Variants in DLEU7 observed in about 807,000 individuals in gnomAD.
DLEU7 encodes deleted in lymphocytic leukemia 7.
DLEU7 carries 17 observed loss-of-function variants against 16.0 expected under a neutral mutation model. The ratio of observed to expected loss-of-function variants is 1.06; its 90% CI spans 0.73 to 1.59. The LOEUF is 1.59. DLEU7 is among the 40% of genes most tolerant of loss of function. The pLI is 0.00. For missense variants in DLEU7, 308 were observed against 314.9 expected, an observed-to-expected ratio of 0.98 and a Z score of 0.17; for synonymous variants, 113 against 139.8, an observed-to-expected ratio of 0.81 and a Z score of 1.35.
In DLEU7 at chr13:50,792,136, C is replaced by T. The variant is rs186956705; in HGVS notation, c.459+51052G>A. Among the ~76,000 whole-genome samples, 974 of 152,244 alleles carry T rather than the reference C, an allele frequency of 6.4e-3. 9 individuals are homozygous for T. Among genetic ancestry groups the T allele is most frequent in the African/African-American group, 0.022 (895 of 41,534 alleles). ...TTCTTTAAATTGATAACACTCAGAA[C>T]CAGTGTATTATATATCCTATTGTAA... On this transcript the variant is annotated intron_variant, in intron 1 of 1. Transcript: ENST00000400393.
intron 1 of DLEU7, among the ~76,000 whole-genome samples, chr13:50,757,533 C>T (rs1874797589): frequency 6.6e-6 from 1 of 152,188 alleles, no homozygotes; most frequent in African/African-American, 2.4e-5. Flanking sequence ...CAAACCAATG[C>T]AAAACTTGAC....
intron 1 of DLEU7, among the ~76,000 whole-genome samples, chr13:50,747,875 G>T (rs935112472): frequency 1.2e-4 from 19 of 152,200 alleles, no homozygotes; most frequent in Admixed American, 9.8e-4. Flanking sequence ...GACACAATGA[G>T]CATGGCTTCC....
chr13:50,793,830 T>C (rs183157088), intron 1 of DLEU7, among the ~76,000 whole-genome samples: 1 of 152,368 alleles, frequency 6.6e-6, no homozygotes, highest in African/African-American at 2.4e-5. Flanking sequence ...TAGTTTCTCT[T>C]GCTGTGCAGA....
intron 1 of DLEU7, among the ~76,000 whole-genome samples, chr13:50,802,926 A>C (rs565903943): frequency 2.2e-4 from 34 of 152,300 alleles, no homozygotes; most frequent in African/African-American, 8.2e-4. Flanking sequence ...AGGCTTCTAC[A>C]TTATTACATA....
At chr13:50,811,229 AG>A (rs2137790298) in intron 1 of DLEU7, among the ~76,000 whole-genome samples, 1 of 152,312 alleles carries the variant, frequency 6.6e-6, no homozygotes, top group Non-Finnish European at 1.5e-5. Flanking sequence ...TAACCAGAAA[AG>A]GGAAGTGCAA....
intron 1 of DLEU7, among the ~76,000 whole-genome samples, chr13:50,769,102 C>G (rs1875210393): frequency 6.6e-6 from 1 of 152,136 alleles, no homozygotes; most frequent in Non-Finnish European, 1.5e-5. Context: ...AGTGTCTGTT[C>G]ATATTCTTTG....
intron 1 of DLEU7, among the ~76,000 whole-genome samples, chr13:50,717,743 C>A (rs1242337142): frequency 6.6e-6 from 1 of 152,102 alleles, no homozygotes; most frequent in Non-Finnish European, 1.5e-5. Context: ...GAAAGACTTC[C>A]ATTTCTGCTA....
At chr13:50,722,592 A>T (rs1873653208) in intron 1 of DLEU7, among the ~76,000 whole-genome samples, 1 of 152,320 alleles carries the variant, frequency 6.6e-6, no homozygotes, top group African/African-American at 2.4e-5. Flanking sequence ...TAGGCAGTGG[A>T]ATTCCTTTTC....
At chr13:50,753,466 T>C (rs1043620989) in intron 1 of DLEU7, among the ~76,000 whole-genome samples, 1 of 152,218 alleles carries the variant, frequency 6.6e-6, no homozygotes, top group South Asian at 2.1e-4. Flanking sequence ...GGAAGGCAGC[T>C]AAGGCCTGGC....
intron 1 of DLEU7, among the ~76,000 whole-genome samples, chr13:50,750,220 G>T (rs1874522930): frequency 2.0e-5 from 3 of 151,962 alleles, no homozygotes; most frequent in Non-Finnish European, 4.4e-5. Flanking sequence ...GTTTTTGTTT[G>T]CTTTGTTGAA....
chr13:50,751,908 A>T, intron 1 of DLEU7, among the ~76,000 whole-genome samples: 1 of 150,370 alleles, frequency 6.7e-6, no homozygotes, highest in Non-Finnish European at 1.5e-5. Flanking sequence ...TATCTTTTGT[A>T]TTTTTTTTTG....
rs556761618 is a variant in DLEU7 at position 50,806,976 on chromosome 13, C to CAA, written c.459+36210_459+36211dup. On this transcript the variant is annotated intron_variant, in intron 1 of 1. Coordinates refer to the DLEU7 transcript ENST00000400393. ...TGGGTGACAGAGCTAGACTCCCTCT[C>CAA]AAAAAAAAAAAAAAAAAAAAAAGTC... Among the ~76,000 whole-genome samples the CAA allele has an allele frequency of 5.5e-3, 296 of 53,844 alleles. 8 individuals carry two copies. Among genetic ancestry groups the CAA allele is most frequent in the African/African-American group, 0.016 (227 of 14,354 alleles). 35.3% of individuals were successfully genotyped at this position (53,844 alleles called of 152,430 possible).
At chr13:50,796,272 C>T (rs1420580084) in intron 1 of DLEU7, among the ~76,000 whole-genome samples, 1 of 152,040 alleles carries the variant, frequency 6.6e-6, no homozygotes, top group Admixed American at 6.6e-5. Context: ...AATATGCCAG[C>T]ATCACTAGTC....
intron 1 of DLEU7, among the ~76,000 whole-genome samples, chr13:50,837,320 C>T (rs557500986): frequency 1.8e-4 from 28 of 152,262 alleles, no homozygotes; most frequent in African/African-American, 6.7e-4. Flanking sequence ...AAATAAAACA[C>T]GGTAACATTT....
chr13:50,801,170 G>C lies in DLEU7; in HGVS notation c.459+42018C>G, dbSNP rs186393492. 5.3e-5 allele frequency among the ~76,000 whole-genome samples: 8 copies of C among 152,186 alleles called. No homozygotes were observed. In the East Asian group the frequency reaches 1.5e-3, roughly 29 times the overall value. On this transcript the variant is annotated intron_variant, in intron 1 of 1. Coordinates refer to the DLEU7 transcript ENST00000400393. ...TTTCAAAACTCGCTTAGCTAATAAA[G>C]AGACCAACATGCTCATCTTGGATCC...
chr13:50,797,732 G>A (rs1388635504), intron 1 of DLEU7, among the ~76,000 whole-genome samples: 1 of 152,164 alleles, frequency 6.6e-6, no homozygotes, highest in African/African-American at 2.4e-5. Context: ...TTTGCAAAAT[G>A]CGGAGTACAC....
intron 1 of DLEU7, among the ~76,000 whole-genome samples, chr13:50,772,850 C>T (rs1875363299): frequency 1.3e-5 from 2 of 152,210 alleles, no homozygotes. Context: ...GGATAATATC[C>T]TGCAGAGTAT....
At chr13:50,741,598 C>A (rs1273220377) in intron 1 of DLEU7, among the ~76,000 whole-genome samples, 2 of 152,126 alleles carry the variant, frequency 1.3e-5, no homozygotes, top group African/African-American at 4.8e-5. Flanking sequence ...TGTTTCCCAG[C>A]CAGATTATAA....
intron 1 of DLEU7, among the ~76,000 whole-genome samples, chr13:50,813,624 C>T (rs1876636253): frequency 6.6e-6 from 1 of 152,016 alleles, no homozygotes; most frequent in South Asian, 2.1e-4. Context: ...ATTAAGGAGA[C>T]TGAGCTTCCG....
Sources: allele counts gnomAD v4.1 joint callset (sites outside exome capture counted in the v4.1 genomes callset), GRCh38; gene constraint gnomAD v4.1.1; transcripts MANE v1.5; gene names NCBI Gene and HGNC (gene_info 2026-07-23, HGNC 2026-07-21).